Variants in ST6GALNAC3 observed in about 807,000 individuals in gnomAD.
The protein encoded by ST6GALNAC3 is alpha-N-acetylgalactosaminide alpha-2,6-sialyltransferase 3.
Under a neutral mutation model 32.7 loss-of-function variants are expected in ST6GALNAC3, and 25 were observed. That is an observed-to-expected ratio of 0.76 (90% CI 0.56 to 1.07). The LOEUF (loss-of-function observed/expected upper bound fraction) is 1.07, where lower values mean the gene tolerates loss of function less well. Among genes scored for constraint, ST6GALNAC3 ranks in the 50% least tolerant of loss-of-function variants. ST6GALNAC3 has a pLI of 0.00. For synonymous variants in ST6GALNAC3, 129 were observed against 133.1 expected (o/e 0.97, Z 0.21); for missense variants, 355 against 382.4 (o/e 0.93, Z 0.60).
chr1:76,614,344 C>G (rs1648135613), intron 3 of ST6GALNAC3, among the ~76,000 whole-genome samples: 1 of 152,208 alleles, frequency 6.6e-6, no homozygotes, highest in African/African-American at 2.4e-5. Context: ...ATGGAATTCT[C>G]AAACCTAACT....
intron 2 of ST6GALNAC3, among the ~76,000 whole-genome samples, chr1:76,380,927 T>C (rs12084205): frequency 3.9e-5 from 6 of 152,216 alleles, no homozygotes; most frequent in Non-Finnish European, 8.8e-5. Context: ...TTAAGGACTA[T>C]TTCATTTTAA....
rs188679368 is a variant in ST6GALNAC3 at position 76,325,569 on chromosome 1, G to C, written c.213+11570G>C. Among the ~76,000 whole-genome samples, 490 of 151,452 alleles carry C rather than the reference G, an allele frequency of 3.2e-3. 2 individuals carry two copies. The highest frequency in any genetic ancestry group is 0.011 in the African/African-American group (472 of 41,336). On this transcript the variant is annotated intron_variant, in intron 2 of 4. Transcript: ENST00000328299. ...TGCCAATAACTATTTATTTCCAATA[G>C]TGTTTAATGATATTTATTGGATTGA...
chr1:76,446,867 C>A (rs550666312), intron 3 of ST6GALNAC3, among the ~76,000 whole-genome samples: 1 of 152,110 alleles, frequency 6.6e-6, no homozygotes, highest in Non-Finnish European at 1.5e-5. Flanking sequence ...GTCCATTAAA[C>A]CCTTTTTCCT....
intron 1 of ST6GALNAC3, among the ~76,000 whole-genome samples, chr1:76,097,022 G>A (rs1038469959): frequency 5.3e-5 from 8 of 151,350 alleles, no homozygotes; most frequent in Admixed American, 2.0e-4. Context: ...GGGTTCAAGC[G>A]ATTCTCCTGC....
chr1:76,142,032 A>G (rs1650358419), intron 1 of ST6GALNAC3, among the ~76,000 whole-genome samples: 1 of 152,182 alleles, frequency 6.6e-6, no homozygotes. Flanking sequence ...CAGTTAGTGG[A>G]GGATTCTTTA....
intron 3 of ST6GALNAC3, among the ~76,000 whole-genome samples, chr1:76,413,692 T>G (rs1049007485): frequency 6.6e-6 from 1 of 152,112 alleles, no homozygotes; most frequent in Non-Finnish European, 1.5e-5. Context: ...TTCCTCGGAC[T>G]GTATGAGTTA....
chr1:76,313,737 C>T, intron 1 of ST6GALNAC3, 68 bp from the exon 2 acceptor site: 1 of 1,512,760 alleles, frequency 6.6e-7, no homozygotes, highest in Non-Finnish European at 9.2e-7. Context: ...AATAAAGGAA[C>T]CTCCTTCTGT....
intron 3 of ST6GALNAC3, among the ~76,000 whole-genome samples, chr1:76,413,741 G>A (rs1316672624): frequency 6.6e-6 from 1 of 152,088 alleles, no homozygotes; most frequent in Admixed American, 6.6e-5. Flanking sequence ...AATCAATGTA[G>A]CATAAACTGT....
intron 1 of ST6GALNAC3, among the ~76,000 whole-genome samples, chr1:76,299,127 C>A (rs2100841686): frequency 6.6e-6 from 1 of 152,168 alleles, no homozygotes; most frequent in Middle Eastern, 3.4e-3. Context: ...GCAAATTCAG[C>A]AAATGCTGTT....
intron 1 of ST6GALNAC3, among the ~76,000 whole-genome samples, chr1:76,277,687 A>C (rs1443845566): frequency 6.6e-6 from 1 of 151,130 alleles, no homozygotes; most frequent in Admixed American, 6.6e-5. Context: ...TATGTCTTTA[A>C]CTTAACGTGA....
intron 2 of ST6GALNAC3, among the ~76,000 whole-genome samples, chr1:76,368,016 G>C (rs1452247049): frequency 1.3e-5 from 2 of 152,086 alleles, no homozygotes; most frequent in African/African-American, 4.8e-5. Context: ...GCCCACTCCA[G>C]CACCTGCATA....
At chr1:76,338,540 G>A (rs1372360041) in intron 2 of ST6GALNAC3, among the ~76,000 whole-genome samples, 1 of 152,168 alleles carries the variant, frequency 6.6e-6, no homozygotes, top group East Asian at 1.9e-4. Context: ...TTCCTCTATA[G>A]CAATACTCCT....
intron 1 of ST6GALNAC3, among the ~76,000 whole-genome samples, chr1:76,205,942 G>C (rs1226067560): frequency 1.3e-5 from 2 of 152,186 alleles, no homozygotes; most frequent in East Asian, 3.8e-4. Context: ...AGCCAGCACT[G>C]TTATATCCTC....
intron 3 of ST6GALNAC3, among the ~76,000 whole-genome samples, chr1:76,475,204 G>A (rs184642474): frequency 1.3e-5 from 2 of 152,156 alleles, no homozygotes; most frequent in African/African-American, 4.8e-5. Flanking sequence ...CTTTAAAAGG[G>A]AGACAGTGTA....
intron 2 of ST6GALNAC3, among the ~76,000 whole-genome samples, chr1:76,372,067 C>A (rs1183981367): frequency 6.6e-6 from 1 of 152,124 alleles, no homozygotes; most frequent in Non-Finnish European, 1.5e-5. Context: ...TACTCCTAGC[C>A]TTATCTGGGG....
At chr1:76,487,273 G>T (rs1660184512) in intron 3 of ST6GALNAC3, among the ~76,000 whole-genome samples, 3 of 152,158 alleles carry the variant, frequency 2.0e-5, no homozygotes, top group Admixed American at 2.0e-4. Context: ...ATGTTGGCCT[G>T]CCTCGCTAGG....
chr1:76,617,569 A>C (rs1461086891), intron 3 of ST6GALNAC3, among the ~76,000 whole-genome samples: 1 of 152,214 alleles, frequency 6.6e-6, no homozygotes, highest in African/African-American at 2.4e-5. Flanking sequence ...TTGAAGGGTA[A>C]GTTAGGAAGA....
At position 76,629,229 on chromosome 1, in the gene ST6GALNAC3, G is replaced by A. The variant is rs745841824; in HGVS notation, c.*423G>A. 15 of 998,048 alleles carry A rather than the reference G, an allele frequency of 1.5e-5. No homozygotes were observed. In the South Asian group the frequency reaches 1.8e-4, roughly 12 times the overall value. 61.8% of individuals were successfully genotyped at this position (998,048 alleles called of 1,614,324 possible). ...TGGCTTGTTGAATCTCAGCAGTTCCGCCATCTTGAAGAATGATTGATTGTC... is the reference window on the plus strand; with the variant it reads ...TGGCTTGTTGAATCTCAGCAGTTCCACCATCTTGAAGAATGATTGATTGTC... On this transcript the variant is annotated 3_prime_UTR_variant, in exon 5 of 5. Transcript: ENST00000328299.
intron 3 of ST6GALNAC3, among the ~76,000 whole-genome samples, chr1:76,542,975 G>A (rs932075556): frequency 6.6e-6 from 1 of 152,108 alleles, no homozygotes; most frequent in African/African-American, 2.4e-5. Flanking sequence ...TCTGTCCTTG[G>A]GCCTACTTTG....
Sources: gnomAD v4.1 joint callset for allele counts (sites outside exome capture counted in the v4.1 genomes callset) on GRCh38, gnomAD v4.1.1 for gene constraint, MANE v1.5 for transcripts, NCBI Gene and HGNC (gene_info 2026-07-23, HGNC 2026-07-21) for gene names.